The following BAZ2B variants were observed in gnomAD, a reference collection of about 807,000 sequenced individuals.
BAZ2B encodes the protein bromodomain adjacent to zinc finger domain protein 2B.
Under a neutral mutation model 246.0 loss-of-function variants are expected in BAZ2B, and 91 were observed. The observed-to-expected ratio is 0.37, with a 90% CI of 0.31 to 0.44. The LOEUF (loss-of-function observed/expected upper bound fraction) is 0.44. BAZ2B is among the 20% of genes least tolerant of loss of function. BAZ2B has a pLI of 1.00. For missense variants in BAZ2B, 2,332 were observed against 2,533.7 expected, an observed-to-expected ratio of 0.92 and a Z score of 1.71; for synonymous variants, 855 against 860.0, an observed-to-expected ratio of 0.99 and a Z score of 0.10.
chr2:159,374,639 A>T, intron 26 of BAZ2B, 52 bp downstream of exon 26: 1 of 1,492,928 alleles, frequency 6.7e-7, no homozygotes, highest in South Asian at 1.1e-5. Flanking sequence ...CTTACAATGT[A>T]GATTTCTAAA....
chr2:159,703,344 T>A, the BAZ2B span, among the ~76,000 whole-genome samples: 1 of 151,828 alleles, frequency 6.6e-6, no homozygotes, highest in Non-Finnish European at 1.5e-5. Context: ...TCTGCCCACC[T>A]CAGCCTCCCA....
rs1345013365 is a variant in BAZ2B at position 159,389,433 on chromosome 2, T to A, written c.3128A>T (p.Glu1043Val). ...EKRDEKRLNK[E>V]RKLEQRRLEL... ...TAATCTTCGCTGCTCTAGTTTACGC[T>A]CTTTATTTAATCTTTTCTCATCACG... The change falls in exon 21 of 37, where the codon GAG becomes GTG. Residue 1043 changes from glutamate (E) to valine (V), a missense_variant. Glu to Val is a moderately radical substitution (Grantham distance 121). Around this residue, in one of 9 missense-constraint regions of BAZ2B, gnomAD observed 328 missense variants for 410.4 expected, o/e 0.80. Coordinates refer to ENST00000392783, the MANE Select transcript of BAZ2B (RefSeq NM_013450.4). 6.2e-7 allele frequency: 1 copy of A among 1,611,220 alleles called. No individual in the cohort carries two copies. Among genetic ancestry groups the A allele is most frequent in the African/African-American group, 1.3e-5 (1 of 74,926 alleles).
intron 3 of BAZ2B, chr2:159,460,580 C>T (rs1363796381): frequency 1.3e-5 from 2 of 152,028 alleles, no homozygotes; most frequent in African/African-American, 4.8e-5. Flanking sequence ...ATCTAATGTA[C>T]ATCTTGCAAA....
At chr2:159,360,939 C>A (rs566117635) in intron 27 of BAZ2B, among the ~76,000 whole-genome samples, 6 of 152,244 alleles carry the variant, frequency 3.9e-5, no homozygotes, top group African/African-American at 1.2e-4. Flanking sequence ...ACACCTTATA[C>A]GAAAATTAAC....
At chr2:159,407,574 A>G (rs957725721) in intron 14 of BAZ2B, among the ~76,000 whole-genome samples, 1 of 152,206 alleles carries the variant, frequency 6.6e-6, no homozygotes, top group Non-Finnish European at 1.5e-5. Context: ...GAACGTAACC[A>G]TATGTCCTCA....
intron 13 of BAZ2B, among the ~76,000 whole-genome samples, chr2:159,418,601 A>AC (rs2068173650): frequency 1.4e-5 from 2 of 146,872 alleles, no homozygotes; most frequent in South Asian, 4.3e-4. Flanking sequence ...TTGTAAGCTG[A>AC]TTTTTTTTTT....
intron 1 of BAZ2B, among the ~76,000 whole-genome samples, chr2:159,592,190 T>G (rs1288339260): frequency 6.6e-6 from 1 of 152,232 alleles, no homozygotes; most frequent in Non-Finnish European, 1.5e-5. Context: ...ATCTTTCATA[T>G]AGATATACTG....
chr2:159,572,028 C>A (rs1684145673), intron 1 of BAZ2B, among the ~76,000 whole-genome samples: 1 of 152,178 alleles, frequency 6.6e-6, no homozygotes, highest in Non-Finnish European at 1.5e-5. Flanking sequence ...CACCAGTTTT[C>A]ATCAAGCATG....
At chr2:159,648,009 G>T in the BAZ2B span, among the ~76,000 whole-genome samples, 4 of 152,090 alleles carry the variant, frequency 2.6e-5, no homozygotes, top group Non-Finnish European at 4.4e-5. Context: ...TATTTAAAAT[G>T]CATAATTAGA....
At chr2:159,384,447 T>C (rs1484759862) in intron 23 of BAZ2B, among the ~76,000 whole-genome samples, 3 of 152,046 alleles carry the variant, frequency 2.0e-5, no homozygotes, top group African/African-American at 7.2e-5. Context: ...TCCACACTGG[T>C]AGAAATGCAT....
At chr2:159,677,628 T>C in the BAZ2B span, among the ~76,000 whole-genome samples, 5 of 152,258 alleles carry the variant, frequency 3.3e-5, no homozygotes, top group African/African-American at 1.2e-4. Context: ...ATAAAACAAA[T>C]AATGCCACAT....
the BAZ2B span, among the ~76,000 whole-genome samples, chr2:159,675,294 A>G: frequency 3.3e-5 from 5 of 152,130 alleles, no homozygotes; most frequent in Admixed American, 6.5e-5. Flanking sequence ...TCAGTTAAAA[A>G]AAAAAACGCA....
chr2:159,699,993 C>G, the BAZ2B span, among the ~76,000 whole-genome samples: 3 of 152,114 alleles, frequency 2.0e-5, no homozygotes, highest in Non-Finnish European at 4.4e-5. Flanking sequence ...GACAGTGAAC[C>G]CACTCCCCTC....
At chr2:159,345,240 G>A (rs1355161141) in intron 31 of BAZ2B, among the ~76,000 whole-genome samples, 2 of 151,620 alleles carry the variant, frequency 1.3e-5, no homozygotes, top group African/African-American at 4.8e-5. Context: ...CAAAATTATT[G>A]GTAGGTAGGA....
At chr2:159,381,664 A>G (rs2062008435) in intron 25 of BAZ2B, among the ~76,000 whole-genome samples, 1 of 152,022 alleles carries the variant, frequency 6.6e-6, no homozygotes, top group Admixed American at 6.6e-5. Flanking sequence ...TGTCTTTCTC[A>G]CAGCTGCCAG....
intron 13 of BAZ2B, among the ~76,000 whole-genome samples, chr2:159,426,421 A>G (rs1054802961): frequency 1.3e-5 from 2 of 152,180 alleles, no homozygotes; most frequent in African/African-American, 4.8e-5. Flanking sequence ...AAACGATTAA[A>G]GTTTCTAATA....
intron 33 of BAZ2B, 56 bp downstream of exon 33, chr2:159,336,886 G>T (rs1164032084): frequency 2.1e-6 from 3 of 1,402,046 alleles, no homozygotes; most frequent in Non-Finnish European, 2.9e-6. Flanking sequence ...TCTGGAGGTT[G>T]GAAGAAACAG....
chr2:159,593,312 C>A (rs1689833530), intron 1 of BAZ2B, among the ~76,000 whole-genome samples: 1 of 152,106 alleles, frequency 6.6e-6, no homozygotes, highest in African/African-American at 2.4e-5. Flanking sequence ...TCTATGTATT[C>A]CATCAGTTGA....
chr2:159,322,393 T>C (rs906234282), intron 36 of BAZ2B, among the ~76,000 whole-genome samples: 1 of 152,178 alleles, frequency 6.6e-6, no homozygotes, highest in Non-Finnish European at 1.5e-5. Context: ...ATCATACTCA[T>C]TAAACAGTTA....
Sources: gnomAD v4.1 joint callset for allele counts (sites outside exome capture counted in the v4.1 genomes callset) on GRCh38, gnomAD v4.1.1 for gene constraint, gnomAD v4.1.1 regional missense constraint, MANE v1.5 for transcripts, NCBI Gene and HGNC (gene_info 2026-07-23, HGNC 2026-07-21) for gene names.